ZNF536: variants seen among roughly 807,000 people sequenced by gnomAD.
ZNF536 encodes zinc finger protein 536.
ZNF536 carries 13 observed loss-of-function variants against 84.5 expected under a neutral mutation model. The ratio of observed to expected loss-of-function variants is 0.15; its 90% confidence interval spans 0.10 to 0.24. ZNF536 has a LOEUF of 0.24. Ranked by LOEUF, ZNF536 falls within the 10% of genes least tolerant of loss-of-function variation. ZNF536 has a pLI of 1.00. For missense variants in ZNF536, 1,536 were observed against 1,747.5 expected (o/e 0.88, Z 2.16); for synonymous variants, 811 against 742.5 (o/e 1.09, Z -1.50).
At chr19:30,305,679 C>G (rs1392932200) in intron 2 of ZNF536, among the ~76,000 whole-genome samples, 1 of 152,092 alleles carries the variant, frequency 6.6e-6, no homozygotes, top group Non-Finnish European at 1.5e-5. Flanking sequence ...AGAGGGTGAC[C>G]CCAGATCTGG....
chr19:30,655,061 G>A (rs113936355), intron 1 of ZNF536, among the ~76,000 whole-genome samples: 140 of 152,318 alleles, frequency 9.2e-4, no homozygotes, highest in African/African-American at 3.1e-3. Context: ...TCTGTTCTTA[G>A]GGACTTTAGT....
At chr19:30,365,016 A>G (rs2048382974) in intron 3 of ZNF536, among the ~76,000 whole-genome samples, 1 of 152,230 alleles carries the variant, frequency 6.6e-6, no homozygotes, top group African/African-American at 2.4e-5. Flanking sequence ...GACTAAGCTT[A>G]GCTTCCTGGT....
At chr19:30,340,325 G>A (rs1334972756) in intron 2 of ZNF536, among the ~76,000 whole-genome samples, 1 of 152,166 alleles carries the variant, frequency 6.6e-6, no homozygotes, top group African/African-American at 2.4e-5. Flanking sequence ...GGTGTCAGCA[G>A]GACCCTTAGG....
intron 2 of ZNF536, among the ~76,000 whole-genome samples, chr19:30,505,134 G>A (rs2145404720): frequency 6.6e-6 from 1 of 151,546 alleles, no homozygotes; most frequent in South Asian, 2.1e-4. Flanking sequence ...TGGGAAACAT[G>A]TCAAAAGCCC....
At chr19:30,681,707 G>A (rs2050978966) in intron 1 of ZNF536, among the ~76,000 whole-genome samples, 1 of 152,214 alleles carries the variant, frequency 6.6e-6, no homozygotes, top group South Asian at 2.1e-4. Flanking sequence ...TTACCAGGCG[G>A]GAGGCTGGTG....
intron 3 of ZNF536, among the ~76,000 whole-genome samples, chr19:30,544,010 G>A (rs1246332857): frequency 6.6e-6 from 1 of 152,168 alleles, no homozygotes; most frequent in South Asian, 2.1e-4. Context: ...GGGAAGCGAG[G>A]GCTTTGAGAT....
intron 2 of ZNF536, among the ~76,000 whole-genome samples, chr19:30,298,470 C>T (rs1208064431): frequency 6.6e-6 from 1 of 152,198 alleles, no homozygotes; most frequent in Non-Finnish European, 1.5e-5. Context: ...GTGGGAGTTT[C>T]CTAATGCTGG....
intron 1 of ZNF536, among the ~76,000 whole-genome samples, chr19:30,393,811 A>G (rs1381726914): frequency 6.6e-6 from 1 of 152,160 alleles, no homozygotes; most frequent in African/African-American, 2.4e-5. Flanking sequence ...GGCCTTGATG[A>G]AGGATTTTAG....
intron 1 of ZNF536, among the ~76,000 whole-genome samples, chr19:30,700,226 T>G (rs537198909): frequency 7.9e-6 from 1 of 126,242 alleles, no homozygotes; most frequent in African/African-American, 2.8e-5. Flanking sequence ...CTTTCTTTCT[T>G]TCTTTCTTTC....
chr19:30,246,227 C>A (rs2024266645), intron 1 of ZNF536, among the ~76,000 whole-genome samples: 1 of 152,082 alleles, frequency 6.6e-6, no homozygotes, highest in African/African-American at 2.4e-5. Flanking sequence ...TCTTGGGGAG[C>A]TTACGATGCT....
chr19:30,595,773 G>A (rs1008749362), intron 1 of ZNF536, among the ~76,000 whole-genome samples: 7 of 152,174 alleles, frequency 4.6e-5, no homozygotes, highest in Non-Finnish European at 1.0e-4. Flanking sequence ...GCCTTTCCCT[G>A]ACTTCCTGGA....
At chr19:30,509,710 A>G (rs1307612692) in intron 2 of ZNF536, among the ~76,000 whole-genome samples, 2 of 152,210 alleles carry the variant, frequency 1.3e-5, no homozygotes, top group Non-Finnish European at 2.9e-5. Flanking sequence ...AAATTCATTT[A>G]GCATGAATCC....
chr19:30,444,908 C>G lies in ZNF536; in HGVS notation c.1346C>G (p.Pro449Arg), dbSNP rs753153162. 1 of 1,610,832 alleles carries G rather than the reference C, an allele frequency of 6.2e-7. No individual in the cohort carries two copies. The highest frequency in any genetic ancestry group is 1.1e-5 in the South Asian group (1 of 90,742). ...CCGGACAAAGCCGGCCTGAGCGAGC[C>G]CAGCCAGCTCTATGGCAAGGGCGAG... ...MTPDKAGLSE[P>R]SQLYGKGELP... is the part of the protein sequence containing the mutation. The change falls in exon 2 of 5, where the codon CCC becomes CGC. Residue 449 changes from proline (P) to arginine (R), a missense_variant. Physicochemically the swap from Pro to Arg is moderately radical, Grantham distance 103 (BLOSUM62 -2). Coordinates refer to ENST00000355537, the MANE Select transcript of ZNF536 (RefSeq NM_014717.3).
chr19:30,399,264 GT>G (rs932679776), intron 1 of ZNF536, among the ~76,000 whole-genome samples: 67 of 150,994 alleles, frequency 4.4e-4, no homozygotes, highest in African/African-American at 1.1e-3. Context: ...TCATGGGGTT[GT>G]TTTTTTTTCT....
intron 2 of ZNF536, among the ~76,000 whole-genome samples, chr19:30,330,338 T>C (rs1047590147): frequency 6.6e-6 from 1 of 152,136 alleles, no homozygotes; most frequent in African/African-American, 2.4e-5. Context: ...CACTCTTGAG[T>C]GGTCAGTTTC....
chr19:30,668,631 C>G (rs571904548), intron 1 of ZNF536: 1 of 152,314 alleles, frequency 6.6e-6, no homozygotes, highest in Non-Finnish European at 1.5e-5. Context: ...CCAGCCTCTG[C>G]GCTGCCTCTC....
intron 1 of ZNF536, among the ~76,000 whole-genome samples, chr19:30,591,239 A>G (rs900480399): frequency 1.3e-5 from 2 of 152,166 alleles, no homozygotes; most frequent in African/African-American, 4.8e-5. Context: ...CTTACTGTTC[A>G]CACTTGTGCA....
chr19:30,391,325 C>T (rs2049578933), intron 1 of ZNF536, among the ~76,000 whole-genome samples: 1 of 152,202 alleles, frequency 6.6e-6, no homozygotes, highest in South Asian at 2.1e-4. Context: ...ACCTGTAATC[C>T]CAGCACTTTG....
At chr19:30,712,987 TG>T (rs2052498558) in exon 2 of ZNF536, 1 of 146,814 alleles carries the variant, frequency 6.8e-6, no homozygotes, top group Admixed American at 6.7e-5. Flanking sequence ...GAAAAAAAAG[TG>T]GGGGAAAAAA....
Sources: gnomAD v4.1 joint callset for allele counts (sites outside exome capture counted in the v4.1 genomes callset) on GRCh38, gnomAD v4.1.1 for gene constraint, MANE v1.5 for transcripts, NCBI Gene and HGNC (gene_info 2026-07-23, HGNC 2026-07-21) for gene names.